PTPRD: variants seen among roughly 807,000 people sequenced by gnomAD.
PTPRD encodes the protein receptor-type tyrosine-protein phosphatase delta.
Under a neutral mutation model 214.5 loss-of-function variants are expected in PTPRD, and 34 were observed. The ratio of observed to expected loss-of-function variants is 0.16; its 90% confidence interval spans 0.12 to 0.21. The LOEUF (loss-of-function observed/expected upper bound fraction) is 0.21, where lower values mean the gene tolerates loss of function less well. Ranked by LOEUF, PTPRD falls within the 10% of genes least tolerant of loss-of-function variation. The pLI, the probability that PTPRD is intolerant of heterozygous loss-of-function variation, is 1.00. For missense variants in PTPRD, 2,545 were observed against 2,398.7 expected, an observed-to-expected ratio of 1.06 and a Z score of -1.27; for synonymous variants, 1,128 against 845.7, an observed-to-expected ratio of 1.33 and a Z score of -5.79.
chr9:8,936,675 T>C (rs761333336), intron 11 of PTPRD, among the ~76,000 whole-genome samples: 1 of 152,152 alleles, frequency 6.6e-6, no homozygotes, highest in Non-Finnish European at 1.5e-5. Flanking sequence ...AGTTTGCCTG[T>C]GGTAAAACAT....
At position 10,101,353 on chromosome 9, in the gene PTPRD, C is replaced by A. The variant is rs370961007; in HGVS notation, c.-544-67563G>T. On this transcript the variant is annotated intron_variant, in intron 3 of 45. Transcript: ENST00000381196. ...CAAAAAGTCACCCAATTTGCAGAAG[C>A]ATAAATTGCAATATGACAGTCCTTT... 3.3e-5 allele frequency among the ~76,000 whole-genome samples: 5 copies of A among 151,816 alleles called. No individual in the cohort carries two copies. The East Asian group carries it at 7.8e-4, about 24-fold the overall frequency.
chr9:10,519,231 TAGA>T (rs886609977), intron 2 of PTPRD, among the ~76,000 whole-genome samples: 16 of 113,706 alleles, frequency 1.4e-4, no homozygotes, highest in African/African-American at 5.5e-4. Context: ...GAGAAGTTAT[TAGA>T]AGAACTCCTC....
At chr9:10,512,236 CA>C (rs983058368) in intron 2 of PTPRD, among the ~76,000 whole-genome samples, 28 of 151,474 alleles carry the variant, frequency 1.8e-4, no homozygotes, top group Admixed American at 1.5e-3. Flanking sequence ...GATGTCAAGA[CA>C]AATTATACTG....
chr9:8,370,568 G>C (rs889704064), intron 39 of PTPRD, among the ~76,000 whole-genome samples: 3 of 152,078 alleles, frequency 2.0e-5, no homozygotes, highest in Admixed American at 2.0e-4. Flanking sequence ...TTATGTTCCA[G>C]TGATTAAAGA....
intron 8 of PTPRD, among the ~76,000 whole-genome samples, chr9:9,466,504 G>C (rs1212292602): frequency 6.6e-6 from 1 of 152,084 alleles, no homozygotes; most frequent in Non-Finnish European, 1.5e-5. Flanking sequence ...TTTAATTGAA[G>C]CAAAGGAACT....
rs147101590 is a variant in PTPRD at position 8,619,171 on chromosome 9, G to C, written c.352+14146C>G. ...AGTTAAATCTTGCTCAGTAACATAC[G>C]CATTATCTTACATAGTTACCACTTT... On this transcript the variant is annotated intron_variant, in intron 14 of 45. Coordinates refer to ENST00000381196, the MANE Select transcript of PTPRD (RefSeq NM_002839.4). 1.7e-3 allele frequency among the ~76,000 whole-genome samples: 252 copies of C among 151,916 alleles called. 1 individual carries two copies. The highest frequency in any genetic ancestry group is 5.5e-3 in the African/African-American group (227 of 41,470).
At chr9:9,822,635 T>G (rs2051193276) in intron 5 of PTPRD, among the ~76,000 whole-genome samples, 1 of 151,914 alleles carries the variant, frequency 6.6e-6, no homozygotes, top group Non-Finnish European at 1.5e-5. Flanking sequence ...ATATTCTGGC[T>G]TATTAAATAT....
chr9:8,764,989 C>T (rs1599077008), intron 11 of PTPRD, among the ~76,000 whole-genome samples: 2 of 151,966 alleles, frequency 1.3e-5, no homozygotes, highest in Admixed American at 6.6e-5. Context: ...AGCCAGACAA[C>T]CTTTAAAACA....
At chr9:8,747,407 G>A (rs1383811463) in intron 11 of PTPRD, among the ~76,000 whole-genome samples, 3 of 152,056 alleles carry the variant, frequency 2.0e-5, no homozygotes, top group African/African-American at 7.2e-5. Flanking sequence ...TCAAACATCA[G>A]GAAGCCATTA....
rs1034946078 is a variant in PTPRD, at chr9:8,428,907, C to A, written c.4086+7685G>T. Among the ~76,000 whole-genome samples, 6 of 152,108 alleles carry A rather than the reference C, an allele frequency of 3.9e-5. No individual in the cohort carries two copies. In the East Asian group the frequency reaches 1.2e-3, roughly 29 times the overall value. On this transcript the variant is annotated intron_variant, in intron 35 of 45. Coordinates refer to ENST00000381196, the MANE Select transcript of PTPRD (RefSeq NM_002839.4). ...CTGTGGCACATGTGGTCAAATATAC[C>A]AAGAGTCTTTTCCAAGGGAAAATAG...
At chr9:8,807,079 G>C (rs1485220861) in intron 11 of PTPRD, among the ~76,000 whole-genome samples, 2 of 152,178 alleles carry the variant, frequency 1.3e-5, no homozygotes, top group African/African-American at 4.8e-5. Context: ...GCTCATGCTT[G>C]TAATCCTAGC....
At chr9:10,192,318 G>GAA (rs1240244517) in intron 3 of PTPRD, among the ~76,000 whole-genome samples, 1 of 151,980 alleles carries the variant, frequency 6.6e-6, no homozygotes, top group Admixed American at 6.6e-5. Context: ...TATGGCTGCT[G>GAA]TAAGAAAATT....
intron 4 of PTPRD, among the ~76,000 whole-genome samples, chr9:9,959,471 C>T (rs1645364110): frequency 6.6e-6 from 1 of 152,030 alleles, no homozygotes; most frequent in Non-Finnish European, 1.5e-5. Context: ...TTTTACAGCA[C>T]AGAGTAAAAC....
chr9:9,165,954 A>G (rs1386427481), intron 10 of PTPRD, among the ~76,000 whole-genome samples: 1 of 151,734 alleles, frequency 6.6e-6, no homozygotes, highest in African/African-American at 2.4e-5. Flanking sequence ...TAAGTGTATC[A>G]CCCTTTTAAT....
At chr9:9,361,654 G>C (rs1256956446) in intron 9 of PTPRD, among the ~76,000 whole-genome samples, 1 of 150,806 alleles carries the variant, frequency 6.6e-6, no homozygotes, top group Non-Finnish European at 1.5e-5. Context: ...AGAAAGATTT[G>C]AATTATTCTC....
At chr9:9,347,041 C>T (rs1020264133) in intron 9 of PTPRD, among the ~76,000 whole-genome samples, 1 of 152,032 alleles carries the variant, frequency 6.6e-6, no homozygotes, top group Non-Finnish European at 1.5e-5. Context: ...TTGGCGCACG[C>T]TTGTAACCTT....
At chr9:10,008,308 C>G (rs1384994601) in intron 4 of PTPRD, among the ~76,000 whole-genome samples, 1 of 151,858 alleles carries the variant, frequency 6.6e-6, no homozygotes, top group South Asian at 2.1e-4. Context: ...TTGCTGAATT[C>G]CCCTCCCTTT....
At chr9:8,956,188 A>G (rs1048141404) in intron 11 of PTPRD, among the ~76,000 whole-genome samples, 2 of 151,674 alleles carry the variant, frequency 1.3e-5, no homozygotes, top group Non-Finnish European at 3.0e-5. Flanking sequence ...AAGGGATAAA[A>G]CTCTTGATTA....
At chr9:8,869,502 G>C (rs1290606844) in intron 11 of PTPRD, among the ~76,000 whole-genome samples, 1 of 152,124 alleles carries the variant, frequency 6.6e-6, no homozygotes, top group African/African-American at 2.4e-5. Context: ...CAGACTCATT[G>C]ATTGATCCAG....
Sources: allele counts gnomAD v4.1 joint callset (sites outside exome capture counted in the v4.1 genomes callset), GRCh38; gene constraint gnomAD v4.1.1; transcripts MANE v1.5; gene names NCBI Gene and HGNC (gene_info 2026-07-23, HGNC 2026-07-21).